Variants in CACNA1C observed in about 807,000 individuals in gnomAD.
CACNA1C encodes voltage-dependent L-type calcium channel subunit alpha-1C.
CACNA1C carries 30 observed loss-of-function variants against 229.0 expected under a neutral mutation model. The observed-to-expected ratio is 0.13, with a 90% CI of 0.10 to 0.18. CACNA1C has a LOEUF of 0.18. Ranked by LOEUF, CACNA1C falls within the 10% of genes least tolerant of loss-of-function variation. The pLI, the probability that CACNA1C is intolerant of heterozygous loss-of-function variation, is 1.00. For missense variants in CACNA1C, 1,658 were observed against 2,845.0 expected (o/e 0.58, Z 9.49); for synonymous variants, 1,114 against 1,132.5 (o/e 0.98, Z 0.33).
rs535541836 is a variant in CACNA1C, at chr12:2,633,413, G to A, written c.3829-884G>A. The stretch of plus-strand genomic sequence containing the variant: ...GGTGGATCTGTAGGATGGGGGCCAC[G>A]TGACCGAGGGAATGCGGGCAGTAGG... On this transcript the variant is annotated intron_variant, in intron 29 of 46. Transcript: ENST00000399655. This position sits in a 1 kb window ranked among gnomAD's most constrained non-coding sequence, Gnocchi z 5.8. 7.9e-5 allele frequency among the ~76,000 whole-genome samples: 12 copies of A among 152,270 alleles called. No homozygotes were observed. Among genetic ancestry groups the A allele is most frequent in the Admixed American group, 3.3e-4 (5 of 15,300 alleles).
In CACNA1C at chr12:2,668,076, CAGAG is replaced by C. The variant is rs1179459666; in HGVS notation, c.4624-854_4624-851del. On this transcript the variant is annotated intron_variant, in intron 37 of 46. Transcript: ENST00000399655. ...ATGCAGAAGCATATTTGTCAATACA[CAGAG>C]AGGACATGTAGCATCTCCTGCAGGC... Among the ~76,000 whole-genome samples the C allele has an allele frequency of 2.6e-5, 4 of 152,338 alleles. No individual in the cohort carries two copies. The East Asian group carries it at 5.8e-4, about 22-fold the overall frequency.
intron 3 of CACNA1C, among the ~76,000 whole-genome samples, chr12:2,271,763 G>A (rs1186684902): frequency 6.6e-6 from 1 of 151,998 alleles, no homozygotes; most frequent in Non-Finnish European, 1.5e-5. Context: ...GAGCATGGTG[G>A]TGCATGCCTG....
At chr12:2,184,150 G>A (rs1313016648) in intron 3 of CACNA1C, among the ~76,000 whole-genome samples, 1 of 152,252 alleles carries the variant, frequency 6.6e-6, no homozygotes, top group Non-Finnish European at 1.5e-5. Flanking sequence ...GGCTGCGGTT[G>A]TTCTGAAGGA....
rs368751992 is a variant in CACNA1C at position 2,642,511 on chromosome 12, GAC to G, written c.3913-5960_3913-5959del. Among the ~76,000 whole-genome samples, 5 of 152,302 alleles carry G rather than the reference GAC, an allele frequency of 3.3e-5. No homozygotes were observed. In the East Asian group the frequency reaches 7.7e-4, roughly 24 times the overall value. The stretch of plus-strand genomic sequence containing the variant: ...AGATGCCATGAGCTGGTAGTGAGGA[GAC>G]ACAGGAAGGCTCAAAGATACGTAGG... On this transcript the variant is annotated intron_variant, in intron 30 of 46. Transcript: ENST00000399655.
chr12:2,256,640 G>C lies in CACNA1C; in HGVS notation c.477+136210G>C, dbSNP rs763773039. Among the ~76,000 whole-genome samples the C allele has an allele frequency of 2.8e-4, 43 of 152,164 alleles. 1 individual carries two copies. Among genetic ancestry groups the C allele is most frequent in the Non-Finnish European group, 2.9e-5 (2 of 68,030 alleles). On this transcript the variant is annotated intron_variant, in intron 3 of 46. Transcript: ENST00000399655. ...TTAAGAGCCAGGACGTAAAGCAGAT[G>C]GCGCGTTTCCAGGGGTAGAGAAATG...
At chr12:2,397,576 A>G (rs552249615) in intron 3 of CACNA1C, among the ~76,000 whole-genome samples, 3 of 152,354 alleles carry the variant, frequency 2.0e-5, no homozygotes, top group South Asian at 4.1e-4. Flanking sequence ...GGCTCTGGAA[A>G]TGGTAATCAG....
intron 11 of CACNA1C, among the ~76,000 whole-genome samples, chr12:2,565,920 C>T (rs2154593283): frequency 6.6e-6 from 1 of 152,306 alleles, no homozygotes; most frequent in South Asian, 2.1e-4. Context: ...TACTCAACCT[C>T]CCCAGCCCTG....
At chr12:2,163,691 C>T (rs991163234) in intron 3 of CACNA1C, among the ~76,000 whole-genome samples, 48 of 152,286 alleles carry the variant, frequency 3.2e-4, no homozygotes, top group African/African-American at 1.2e-3. Flanking sequence ...GAGTCAGGCC[C>T]TCCTCCCCCG....
chr12:2,535,704 T>TAAAAAAAAAAAAAAAAAAA (rs758857733), intron 9 of CACNA1C, among the ~76,000 whole-genome samples: 20 of 36,560 alleles, frequency 5.5e-4, no homozygotes, highest in South Asian at 1.5e-3. Flanking sequence ...AGACCCTGTC[T>TAAAAAAAAAAAAAAAAAAA]AAAAAAAAAA....
intron 9 of CACNA1C, among the ~76,000 whole-genome samples, chr12:2,530,888 G>C (rs538336932): frequency 2.0e-5 from 3 of 152,346 alleles, no homozygotes; most frequent in African/African-American, 7.2e-5. Context: ...CATCTTTAGG[G>C]GGTGGCCCTG....
At chr12:2,236,254 G>A (rs1600151227) in intron 3 of CACNA1C, among the ~76,000 whole-genome samples, 1 of 152,162 alleles carries the variant, frequency 6.6e-6, no homozygotes, top group East Asian at 1.9e-4. Context: ...TCGGGTTGGG[G>A]CCTGAGAATC....
At chr12:2,481,528 C>T (rs1167452590) in intron 5 of CACNA1C, among the ~76,000 whole-genome samples, 1 of 152,214 alleles carries the variant, frequency 6.6e-6, no homozygotes, top group Non-Finnish European at 1.5e-5. Flanking sequence ...TTTCCCGAGC[C>T]CAGCACTGAA....
intron 4 of CACNA1C, among the ~76,000 whole-genome samples, chr12:2,449,826 A>G (rs1449862481): frequency 6.6e-6 from 1 of 152,144 alleles, no homozygotes; most frequent in African/African-American, 2.4e-5. Context: ...CACTGAGCAC[A>G]TTTGGGGCAG....
chr12:2,498,763 G>A (rs1002805720), intron 7 of CACNA1C, among the ~76,000 whole-genome samples: 11 of 152,324 alleles, frequency 7.2e-5, no homozygotes, highest in African/African-American at 2.6e-4. Flanking sequence ...TTCTGCCTGG[G>A]GAAAGCAAGC....
At chr12:2,322,702 C>T (rs1408902909) in intron 3 of CACNA1C, among the ~76,000 whole-genome samples, 1 of 152,242 alleles carries the variant, frequency 6.6e-6, no homozygotes, top group Non-Finnish European at 1.5e-5. Flanking sequence ...CCCCTTCTTA[C>T]CATGCCGCGT....
At chr12:2,316,345 T>C (rs1476328988) in intron 3 of CACNA1C, among the ~76,000 whole-genome samples, 2 of 152,270 alleles carry the variant, frequency 1.3e-5, no homozygotes, top group African/African-American at 4.8e-5. Flanking sequence ...TGGGTTGTTA[T>C]GAGGATTAAA....
chr12:2,595,481 C>A lies in CACNA1C; in HGVS notation c.2664-393C>A, dbSNP rs1237203303. Among the ~76,000 whole-genome samples, 1 of 152,112 alleles carries A rather than the reference C, an allele frequency of 6.6e-6. No homozygotes were observed. The highest frequency in any genetic ancestry group is 1.5e-5 in the Non-Finnish European group (1 of 68,020). ...CCTACAGAGAGCCGGTTTGGCTGGCCTCTCAGCATACCCAGCTCCGGGTAG... is the reference window on the plus strand; with the variant it reads ...CCTACAGAGAGCCGGTTTGGCTGGCATCTCAGCATACCCAGCTCCGGGTAG... On this transcript the variant is annotated intron_variant, in intron 19 of 46. Transcript: ENST00000399655. This position sits in a 1 kb window ranked among gnomAD's most constrained non-coding sequence, Gnocchi z 4.1.
Position 1,982,127 on chromosome 12 carries a change from G to C in CACNA1C, c.139+10926G>C, listed in dbSNP as rs74059687. 1.6e-3 allele frequency among the ~76,000 whole-genome samples: 251 copies of C among 152,172 alleles called. 1 individual carries two copies. Among genetic ancestry groups the C allele is most frequent in the African/African-American group, 5.9e-3 (244 of 41,534 alleles). On this transcript the variant is annotated intron_variant, in intron 1 of 46. Transcript: ENST00000682462. ...ATCCAGCTGTGGTTTTGGATGGAGG[G>C]GATAAGCCAGATGTGAATTATAAGG... is the stretch of plus-strand genomic sequence containing the variant.
chr12:2,075,313 A>T (rs757282103), intron 1 of CACNA1C, among the ~76,000 whole-genome samples: 19 of 152,308 alleles, frequency 1.2e-4, no homozygotes, highest in Admixed American at 3.3e-4. Context: ...CCTGGTGGGC[A>T]CTAATCTAAG....
Sources: allele counts gnomAD v4.1 joint callset (sites outside exome capture counted in the v4.1 genomes callset), GRCh38; gene constraint gnomAD v4.1.1; non-coding constraint Gnocchi (gnomAD v3.1); transcripts MANE v1.5; gene names NCBI Gene and HGNC (gene_info 2026-07-23, HGNC 2026-07-21).